VANGL1: variants seen among roughly 807,000 people sequenced by gnomAD.
The protein encoded by VANGL1 is vang-like protein 1.
VANGL1 carries 18 observed loss-of-function variants against 48.4 expected under a neutral mutation model. That is an observed-to-expected ratio of 0.37 (90% confidence interval 0.26 to 0.55). The LOEUF (loss-of-function observed/expected upper bound fraction) is 0.55. Ranked by LOEUF, VANGL1 falls within the 20% of genes least tolerant of loss-of-function variation. The probability of loss-of-function intolerance (pLI) is 0.81; values close to 1 mark genes in which losing one functional copy is unlikely to be tolerated. For missense variants in VANGL1, 667 were observed against 675.8 expected (o/e 0.99, Z 0.14); for synonymous variants, 257 against 261.8 (o/e 0.98, Z 0.18).
intron 4 of VANGL1, among the ~76,000 whole-genome samples, chr1:115,677,044 T>C (rs953935939): frequency 8.5e-5 from 13 of 152,356 alleles, no homozygotes; most frequent in Admixed American, 8.5e-4. Flanking sequence ...CCAGTTGCAC[T>C]GTGCGTGCCT....
intron 4 of VANGL1, among the ~76,000 whole-genome samples, chr1:115,672,743 T>G: frequency 6.6e-6 from 1 of 152,206 alleles, no homozygotes; most frequent in East Asian, 1.9e-4. Flanking sequence ...GAGACAAACA[T>G]TTTAATTAAA....
chr1:115,674,082 G>C (rs887512825), intron 4 of VANGL1, among the ~76,000 whole-genome samples: 1 of 152,170 alleles, frequency 6.6e-6, no homozygotes, highest in Admixed American at 6.5e-5. Context: ...CACTGACCCT[G>C]TTGCTCTATT....
Position 115,663,903 on chromosome 1 carries a change from T to C in VANGL1, c.447T>C (p.Cys149=), listed in dbSNP as rs1380239540. ...AGCTGGAGCCTTGTGGCACAATTTGTGAGGGGCTCTTTATCTCCATGGCAT... is the reference window on the plus strand; with the variant it reads ...AGCTGGAGCCTTGTGGCACAATTTGCGAGGGGCTCTTTATCTCCATGGCAT... ...RDELEPCGTI[C]EGLFISMAFK... is the part of the protein sequence containing the mutation. Residue 149 remains cysteine (C), a synonymous_variant, in exon 4 of 8, where the codon TGT becomes TGC. Coordinates refer to ENST00000355485, the MANE Select transcript of VANGL1 (RefSeq NM_138959.3). 1.7e-5 allele frequency: 28 copies of C among 1,614,112 alleles called. No homozygotes were observed. The highest frequency in any genetic ancestry group is 2.3e-5 in the Non-Finnish European group (27 of 1,180,050).
At position 115,695,737 on chromosome 1, in the gene VANGL1, C is replaced by T. The variant is rs902843537; in HGVS notation, c.*4358C>T. ...TCATCTTGGTTTTTCGGGTGAAAAA[C>T]GGAAGGTCAGAGAGGAAGGGGCTTG... On this transcript the variant is annotated 3_prime_UTR_variant, in exon 8 of 8. Transcript: ENST00000355485. The T allele has an allele frequency of 5.9e-5, 9 of 152,132 alleles. No individual in the cohort carries two copies. Among genetic ancestry groups the T allele is most frequent in the Admixed American group, 2.0e-4 (3 of 15,278 alleles). The allele number at this position is 152,132 out of a possible 1,614,324, so 9.4% of individuals were successfully genotyped here.
chr1:115,649,587 C>T (rs1652071405), intron 1 of VANGL1, among the ~76,000 whole-genome samples: 1 of 152,264 alleles, frequency 6.6e-6, no homozygotes, highest in Admixed American at 6.5e-5. Flanking sequence ...TTACCTAGCA[C>T]ATCTGGAGCT....
At chr1:115,673,946 A>C (rs912703727) in intron 4 of VANGL1, among the ~76,000 whole-genome samples, 4 of 152,070 alleles carry the variant, frequency 2.6e-5, no homozygotes, top group Admixed American at 2.6e-4. Context: ...CCTTAACTAA[A>C]CATAACATCT....
At chr1:115,642,210 G>A (rs1438415651) in intron 1 of VANGL1, 124 bp downstream of exon 1, 1 of 152,196 alleles carries the variant, frequency 6.6e-6, no homozygotes, top group Non-Finnish European at 1.5e-5. Flanking sequence ...CGCCCCGCCG[G>A]ACTTCGACCC....
At chr1:115,664,541 T>C (rs1179742617) in intron 4 of VANGL1, among the ~76,000 whole-genome samples, 2 of 152,330 alleles carry the variant, frequency 1.3e-5, no homozygotes, top group East Asian at 1.9e-4. Context: ...CCAAAAATGA[T>C]GGAGAAAGGA....
At chr1:115,651,731 A>G (rs190208542) in intron 2 of VANGL1, among the ~76,000 whole-genome samples, 5 of 152,008 alleles carry the variant, frequency 3.3e-5, no homozygotes, top group African/African-American at 1.2e-4. Flanking sequence ...TTCTTCCTGC[A>G]GTGGAAATGT....
At chr1:115,689,382 A>G (rs149628482) in intron 7 of VANGL1, among the ~76,000 whole-genome samples, 18,507 of 135,832 alleles carry the variant, frequency 0.14, 4,456 homozygotes, top group African/African-American at 0.24. Context: ...CTGTAATCCC[A>G]GCACTTTGAG....
At chr1:115,651,564 G>T in intron 2 of VANGL1, 80 bp downstream of exon 2, 1 of 1,243,256 alleles carries the variant, frequency 8.0e-7, no homozygotes, top group Non-Finnish European at 1.2e-6. Flanking sequence ...TCACTTTTCA[G>T]TGACTCAGCG....
rs763973351 is a variant in VANGL1, at chr1:115,685,364, C to G, written c.1151C>G (p.Pro384Arg). ...CAGGCTGAGGAGCAGCAGAAAGCCC[C>G]AGGGGAGGTGATGGACCCTAGGGAG... ...RLQAEEQQKA[P>R]GEVMDPREAA... Residue 384 changes from proline to arginine, a missense_variant, in exon 7 of 8, where the codon CCA (proline) becomes CGA (arginine). Coordinates refer to ENST00000355485, the MANE Select transcript of VANGL1 (RefSeq NM_138959.3). The G allele has an allele frequency of 6.2e-6, 10 of 1,614,168 alleles. No homozygotes were observed. The East Asian group carries it at 2.0e-4, about 32-fold the overall frequency.
At chr1:115,643,888 T>C (rs901955185) in intron 1 of VANGL1, among the ~76,000 whole-genome samples, 4 of 152,204 alleles carry the variant, frequency 2.6e-5, no homozygotes, top group African/African-American at 9.7e-5. Flanking sequence ...CTAGGCCTTA[T>C]CAGCTATTTT....
At position 115,663,912 on chromosome 1, in the gene VANGL1, C is replaced by G; in HGVS notation, c.456C>G (p.Leu152=). The G allele has an allele frequency of 2.5e-6, 4 of 1,614,224 alleles. No individual in the cohort carries two copies. Among genetic ancestry groups the G allele is most frequent in the South Asian group, 1.1e-5 (1 of 91,080 alleles). Residue 152 remains leucine, a synonymous_variant, in exon 4 of 8, where the codon CTC becomes CTG. Coordinates refer to ENST00000355485, the MANE Select transcript of VANGL1 (RefSeq NM_138959.3). ...LEPCGTICEG[L]FISMAFKLLI... ...CTTGTGGCACAATTTGTGAGGGGCT[C>G]TTTATCTCCATGGCATTCAAACTCC...
intron 4 of VANGL1, among the ~76,000 whole-genome samples, chr1:115,671,899 G>C (rs537829377): frequency 1.3e-5 from 2 of 152,360 alleles, no homozygotes; most frequent in East Asian, 3.9e-4. Flanking sequence ...AACTGGCTCA[G>C]CTCCTCAGGA....
chr1:115,659,816 A>G (rs1355462092), intron 3 of VANGL1, 43 bp downstream of exon 3: 8 of 1,613,600 alleles, frequency 5.0e-6, no homozygotes, highest in Non-Finnish European at 6.8e-6. Context: ...CCACTTGGCC[A>G]AGACTCCTGT....
At position 115,687,564 on chromosome 1, in the gene VANGL1, G is replaced by A. The variant is rs1278005410; in HGVS notation, c.1314+2037G>A. Among the ~76,000 whole-genome samples the A allele has an allele frequency of 2.2e-5, 3 of 138,036 alleles. 1 individual carries two copies. The highest frequency in any genetic ancestry group is 4.7e-5 in the Non-Finnish European group (3 of 63,188). The allele number at this position is 138,036 out of a possible 152,430, so 90.6% of individuals were successfully genotyped here. A position where few individuals can be genotyped will look rare whatever the true frequency, so the allele number is the denominator to read the frequency against. On this transcript the variant is annotated intron_variant, in intron 7 of 7. Coordinates refer to ENST00000355485, the MANE Select transcript of VANGL1 (RefSeq NM_138959.3). ...CAAACATTAAAGAAAAGTATCATGC[G>A]GAAAATGAAGTTTTCAGCCCCTGCC...
At chr1:115,683,198 A>G (rs1462276003) in intron 5 of VANGL1, among the ~76,000 whole-genome samples, 1 of 152,222 alleles carries the variant, frequency 6.6e-6, no homozygotes, top group East Asian at 1.9e-4. Flanking sequence ...CTCCCTCACG[A>G]AGCCTGAAGG....
chr1:115,642,123 G>A (rs1008617760), intron 1 of VANGL1, 37 bp downstream of exon 1: 1 of 151,664 alleles, frequency 6.6e-6, no homozygotes, highest in Non-Finnish European at 1.5e-5. Context: ...GCGCGGCGGC[G>A]GTCCCCGGGG....
Sources: allele counts gnomAD v4.1 joint callset (sites outside exome capture counted in the v4.1 genomes callset), GRCh38; gene constraint gnomAD v4.1.1; transcripts MANE v1.5; gene names NCBI Gene and HGNC (gene_info 2026-07-23, HGNC 2026-07-21).